The following ERN1 variants were observed in gnomAD, a reference collection of about 807,000 sequenced individuals.
ERN1 encodes the protein serine/threonine-protein kinase/endoribonuclease IRE1.
Under a neutral mutation model 113.1 loss-of-function variants are expected in ERN1, and 39 were observed. The observed-to-expected ratio is 0.34, with a 90% CI of 0.27 to 0.45. The LOEUF is 0.45. Ranked by LOEUF, ERN1 falls within the 20% of genes least tolerant of loss-of-function variation. The pLI is 1.00. For missense variants in ERN1, 976 were observed against 1,274.8 expected (o/e 0.77, Z 3.57); for synonymous variants, 507 against 515.9 (o/e 0.98, Z 0.23).
chr17:64,057,107 CA>C (rs888852844), intron 12 of ERN1, among the ~76,000 whole-genome samples: 1 of 152,198 alleles, frequency 6.6e-6, no homozygotes, highest in African/African-American at 2.4e-5. Flanking sequence ...ATCTCACAGG[CA>C]GCTTCTTTTT....
chr17:64,073,654 G>C lies in ERN1; in HGVS notation c.355+1521C>G, dbSNP rs934171646. On this transcript the variant is annotated intron_variant, in intron 5 of 21. Coordinates refer to ENST00000433197, the MANE Select transcript of ERN1 (RefSeq NM_001433.5). Reference sequence around the variant, plus strand: ...CTACAAGCATGTGCTACCACGCTTGGCTTATTTTTCGTATTTTTAGTAGAG... The same window carrying C: ...CTACAAGCATGTGCTACCACGCTTGCCTTATTTTTCGTATTTTTAGTAGAG... Among the ~76,000 whole-genome samples, 12 of 151,744 alleles carry C rather than the reference G, an allele frequency of 7.9e-5. No individual in the cohort carries two copies. In the South Asian group the frequency reaches 2.3e-3, roughly 29 times the overall value.
At chr17:64,124,013 T>C (rs1291992817) in intron 1 of ERN1, among the ~76,000 whole-genome samples, 1 of 152,186 alleles carries the variant, frequency 6.6e-6, no homozygotes, top group East Asian at 1.9e-4. Flanking sequence ...ATTAGATTAG[T>C]TATTAGAGAA....
chr17:64,060,362 T>C, intron 11 of ERN1, 107 bp downstream of exon 11: 1 of 742,194 alleles, frequency 1.3e-6, no homozygotes, highest in African/African-American at 1.7e-5. Context: ...GCATTCCTCT[T>C]CCCTCCCAGA....
At chr17:64,107,457 G>A (rs150241985) in intron 1 of ERN1, among the ~76,000 whole-genome samples, 266 of 151,924 alleles carry the variant, frequency 1.8e-3, no homozygotes, top group African/African-American at 5.4e-3. Flanking sequence ...GAGTAGCTGC[G>A]ACTACAAGCA....
At chr17:64,068,948 G>A (rs1180955412) in intron 6 of ERN1, among the ~76,000 whole-genome samples, 1 of 152,172 alleles carries the variant, frequency 6.6e-6, no homozygotes, top group Non-Finnish European at 1.5e-5. Context: ...TATATTGTGA[G>A]ACAAATGAGC....
At position 64,044,515 on chromosome 17, in the gene ERN1, G is replaced by T. The variant is rs1350765938; in HGVS notation, c.2722-315C>A. 6.6e-6 allele frequency among the ~76,000 whole-genome samples: 1 copy of T among 152,178 alleles called. No individual in the cohort carries two copies. Among genetic ancestry groups the T allele is most frequent in the Non-Finnish European group, 1.5e-5 (1 of 68,034 alleles). ...AAAGTCGCCTGAGATTGGAGTGTCC[G>T]TCCCAGTGGGGTCCCCGCATTTGAG... On this transcript the variant is annotated intron_variant, in intron 21 of 21. Transcript: ENST00000433197. The surrounding 1 kb of genome is among the most constrained non-coding windows in gnomAD (Gnocchi z 4.1).
At chr17:64,057,713 T>C in intron 12 of ERN1, 89 bp downstream of exon 12, 1 of 1,229,972 alleles carries the variant, frequency 8.1e-7, no homozygotes, top group Admixed American at 1.9e-5. Context: ...ATGTGCTGGT[T>C]GTTTTTGTCT....
chr17:64,054,330 C>T lies in ERN1; in HGVS notation c.1873G>A (p.Val625Met), dbSNP rs750671363. 6.1e-5 allele frequency: 99 copies of T among 1,613,284 alleles called. 1 individual carries two copies. Among genetic ancestry groups the T allele is most frequent in the South Asian group, 3.0e-4 (27 of 90,856 alleles). ...LLRESDEHPNVIRYFCTEKDR... is the reference protein window; with the variant it reads ...LLRESDEHPNMIRYFCTEKDR... ...TTCTCCGTGCAGAAGTAGCGGATCA[C>T]GTTCGGGTGCTCATCCGATTCTCGC... The change falls in exon 15 of 22, where the codon GTG becomes ATG. Residue 625 changes from valine (V) to methionine (M), a missense_variant. Coordinates refer to ENST00000433197, the MANE Select transcript of ERN1 (RefSeq NM_001433.5). The surrounding 1 kb of genome is among the most constrained non-coding windows in gnomAD (Gnocchi z 4.9).
At chr17:64,093,178 G>A (rs1370754146) in intron 2 of ERN1, among the ~76,000 whole-genome samples, 1 of 152,108 alleles carries the variant, frequency 6.6e-6, no homozygotes. Context: ...CAGTTCATTG[G>A]CTCCTGAAAA....
rs777921991 is a variant in ERN1 at position 64,044,172 on chromosome 17, T to A, written c.2750A>T (p.Glu917Val). Residue 917 changes from glutamate to valine, a missense_variant, in exon 22 of 22, where the codon GAG (glutamate) becomes GTG (valine). By Grantham distance (121) the Glu-to-Val change is moderately radical. This residue lies in a region of ERN1 where 92 missense variants were observed against 87.3 expected (regional missense o/e 1.05). Coordinates refer to ENST00000433197, the MANE Select transcript of ERN1 (RefSeq NM_001433.5). This position sits in a 1 kb window ranked among gnomAD's most constrained non-coding sequence, Gnocchi z 4.1. ...KKHHYRELPA[E>V]VRETLGSLPD... ...GAGGGACCCCAGCGTCTCCCGCACC[T>A]CTGCAGGCAGCTCCCGGTAGTGGTG... The A allele has an allele frequency of 6.3e-7, 1 of 1,576,482 alleles. No individual in the cohort carries two copies. Among genetic ancestry groups the A allele is most frequent in the African/African-American group, 1.4e-5 (1 of 74,056 alleles).
At chr17:64,105,521 T>A (rs191892636) in intron 1 of ERN1, among the ~76,000 whole-genome samples, 1 of 152,312 alleles carries the variant, frequency 6.6e-6, no homozygotes, top group Admixed American at 6.5e-5. Context: ...TAAAAATTTG[T>A]TTTAGGAATA....
intron 1 of ERN1, among the ~76,000 whole-genome samples, chr17:64,124,155 G>A (rs1309852872): frequency 6.6e-6 from 1 of 152,208 alleles, no homozygotes; most frequent in African/African-American, 2.4e-5. Context: ...TTGCAGGTGG[G>A]AATGTAAAAT....
chr17:64,108,922 C>T (rs763922692), intron 1 of ERN1, among the ~76,000 whole-genome samples: 2 of 151,962 alleles, frequency 1.3e-5, no homozygotes, highest in African/African-American at 4.8e-5. Context: ...CAGGAGTTCG[C>T]GACCAGCCTG....
intron 1 of ERN1, among the ~76,000 whole-genome samples, chr17:64,101,211 C>T (rs1335259827): frequency 6.6e-6 from 1 of 152,144 alleles, no homozygotes; most frequent in Admixed American, 6.5e-5. Context: ...ATGTTCGAGA[C>T]CAGCCTGGCC....
intron 1 of ERN1, among the ~76,000 whole-genome samples, chr17:64,128,159 T>G (rs1413968081): frequency 7.0e-6 from 1 of 142,340 alleles, no homozygotes; most frequent in East Asian, 2.0e-4. Context: ...CACGCCCGGC[T>G]AATTTTTTTT....
chr17:64,129,986 GGCAGCAGCAGCGTCAGCA>G lies in ERN1; in HGVS notation c.26_43del (p.Leu9_Leu14del). On this transcript the variant is annotated inframe_deletion, in exon 1 of 22. Coordinates refer to ENST00000433197, the MANE Select transcript of ERN1 (RefSeq NM_001433.5). ...TCCCCGGTCACTCACCCCGAGGCCG[GGCAGCAGCAGCGTCAGCA>G]GCAGCAGCAGCCGCCGGGCCGGCAT... The G allele has an allele frequency of 6.9e-7, 1 of 1,449,436 alleles. No homozygotes were observed. The highest frequency in any genetic ancestry group is 9.0e-7 in the Non-Finnish European group (1 of 1,106,888). The allele number at this position is 1,449,436 out of a possible 1,614,324, so 89.8% of individuals were successfully genotyped here. A position where few individuals can be genotyped will look rare whatever the true frequency, so the allele number is the denominator to read the frequency against.
intron 1 of ERN1, among the ~76,000 whole-genome samples, chr17:64,107,235 G>A (rs1231845924): frequency 6.6e-6 from 1 of 152,284 alleles, no homozygotes; most frequent in East Asian, 1.9e-4. Context: ...CAATGATCAG[G>A]AGGGGCTCAA....
At chr17:64,089,668 A>T (rs568896042) in intron 2 of ERN1, among the ~76,000 whole-genome samples, 1 of 152,270 alleles carries the variant, frequency 6.6e-6, no homozygotes, top group African/African-American at 2.4e-5. Flanking sequence ...AGGAATCACA[A>T]AGGTGCTGCA....
chr17:64,056,274 CTG>C (rs1168801250), intron 12 of ERN1, among the ~76,000 whole-genome samples: 1 of 152,172 alleles, frequency 6.6e-6, no homozygotes, highest in African/African-American at 2.4e-5. Context: ...TCATGAAAGT[CTG>C]AGAGTTGTTG....
Sources: allele counts gnomAD v4.1 joint callset (sites outside exome capture counted in the v4.1 genomes callset), GRCh38; gene constraint gnomAD v4.1.1; regional missense constraint gnomAD v4.1.1; non-coding constraint Gnocchi (gnomAD v3.1); transcripts MANE v1.5; gene names NCBI Gene and HGNC (gene_info 2026-07-23, HGNC 2026-07-21).